The following ZNF609 variants were observed in gnomAD, a reference collection of about 807,000 sequenced individuals.
ZNF609 encodes zinc finger protein 609.
A neutral mutation model predicts 109.5 loss-of-function variants in ZNF609; 11 were observed. The observed-to-expected ratio is 0.10, with a 90% CI of 0.06 to 0.17. The LOEUF is 0.17. Among genes scored for constraint, ZNF609 ranks in the 10% least tolerant of loss-of-function variants. The pLI, the probability that ZNF609 is intolerant of heterozygous loss-of-function variation, is 1.00. For synonymous variants in ZNF609, 646 were observed against 662.0 expected (o/e 0.98, Z 0.37); for missense variants, 1,559 against 1,772.4 (o/e 0.88, Z 2.16).
intron 3 of ZNF609, among the ~76,000 whole-genome samples, chr15:64,627,651 CTTTTTTTCTTTCTTT>C (rs1895987480): frequency 9.6e-6 from 1 of 103,844 alleles, no homozygotes; most frequent in African/African-American, 3.1e-5. Context: ...CTTTTTAGTT[CTTTTTTTCTTTCTTT>C]TTTTTTTTTT....
chr15:64,607,830 TC>T (rs1332716588), intron 2 of ZNF609, among the ~76,000 whole-genome samples: 1 of 18,964 alleles, frequency 5.3e-5, no homozygotes, highest in Non-Finnish European at 1.6e-4. Flanking sequence ...TTTCTTTCTT[TC>T]TTTCTTTCTT....
chr15:64,569,538 G>T (rs1468436198), intron 2 of ZNF609, among the ~76,000 whole-genome samples: 1 of 152,196 alleles, frequency 6.6e-6, no homozygotes, highest in Non-Finnish European at 1.5e-5. Flanking sequence ...CAAAGCCTTT[G>T]TTGTGCTTAG....
At position 64,651,746 on chromosome 15, in the gene ZNF609, A is replaced by G. The variant is rs187403312; in HGVS notation, c.974-18600A>G. On this transcript the variant is annotated intron_variant, in intron 3 of 9. Transcript: ENST00000326648. ...ATAGCAAAGACATGAGGTGACCTAG[A>G]TGTTTGTAAGCCACTCTGGCAGCTA... Among the ~76,000 whole-genome samples, 76 of 152,318 alleles carry G rather than the reference A, an allele frequency of 5.0e-4. No individual in the cohort carries two copies. The East Asian group carries it at 9.7e-3, about 19-fold the overall frequency.
At chr15:64,522,448 G>T (rs895927144) in intron 2 of ZNF609, among the ~76,000 whole-genome samples, 4 of 152,174 alleles carry the variant, frequency 2.6e-5, no homozygotes, top group African/African-American at 9.7e-5. Flanking sequence ...GATCTGAACT[G>T]GTTTGGCCCT....
At chr15:64,601,263 T>C (rs78711099) in intron 2 of ZNF609, among the ~76,000 whole-genome samples, 1 of 152,332 alleles carries the variant, frequency 6.6e-6, no homozygotes, top group African/African-American at 2.4e-5. Context: ...TAAATTGTTA[T>C]TGCATTTACT....
At position 64,499,409 on chromosome 15, in the gene ZNF609, T is replaced by G; in HGVS notation, c.-11T>G. 6.2e-7 allele frequency: 1 copy of G among 1,609,286 alleles called. No individual in the cohort carries two copies. The highest frequency in any genetic ancestry group is 8.5e-7 in the Non-Finnish European group (1 of 1,176,816). ...GAGCCTTGAATCTTGAGGTGGGACG[T>G]TGACTCTAAGATGTCCTTGAGCAGT... On this transcript the variant is annotated 5_prime_UTR_variant, in exon 2 of 10. Coordinates refer to ENST00000326648, the MANE Select transcript of ZNF609 (RefSeq NM_015042.2).
rs143459509 is a variant in ZNF609 at position 64,678,312 on chromosome 15, G to A, written c.3599G>A (p.Arg1200His). ...DCKLPTSEES[R>H]LGSKEPRPSV... ...AAGCTGCCCACGTCAGAGGAGTCTC[G>A]CCTTGGGAGCAAGGAGCCCCGGCCA... Residue 1200 changes from arginine to histidine, a missense_variant, in exon 6 of 10, where the codon CGC becomes CAC. Physicochemically the swap from Arg to His is conservative, Grantham distance 29. Coordinates refer to ENST00000326648, the MANE Select transcript of ZNF609 (RefSeq NM_015042.2). 6.8e-6 allele frequency: 11 copies of A among 1,614,110 alleles called. No homozygotes were observed. The highest frequency in any genetic ancestry group is 4.5e-5 in the East Asian group (2 of 44,882).
At chr15:64,626,034 C>A (rs909795764) in intron 3 of ZNF609, among the ~76,000 whole-genome samples, 1 of 149,280 alleles carries the variant, frequency 6.7e-6, no homozygotes, top group Non-Finnish European at 1.5e-5. Flanking sequence ...TCTAAATCTT[C>A]TCTGCAACTC....
intron 2 of ZNF609, among the ~76,000 whole-genome samples, chr15:64,546,471 CACCAGTGGTG>C (rs1022035250): frequency 4.7e-5 from 7 of 149,594 alleles, no homozygotes; most frequent in African/African-American, 1.2e-4. Flanking sequence ...CTTGTTCTGT[CACCAGTGGTG>C]ACCAGTGGCG....
chr15:64,541,945 C>A (rs895267131), intron 2 of ZNF609, among the ~76,000 whole-genome samples: 38 of 148,114 alleles, frequency 2.6e-4, no homozygotes, highest in Admixed American at 2.1e-3. Context: ...TTTTTCCTTT[C>A]TCTTCCTTCC....
At chr15:64,616,514 C>CTTTTT (rs56145140) in intron 2 of ZNF609, among the ~76,000 whole-genome samples, 32 of 66,912 alleles carry the variant, frequency 4.8e-4, no homozygotes, top group Admixed American at 1.4e-3. Context: ...AAACTGATAT[C>CTTTTT]TTTTTTTTTT....
chr15:64,607,060 C>T (rs1895613835), intron 2 of ZNF609, among the ~76,000 whole-genome samples: 1 of 152,136 alleles, frequency 6.6e-6, no homozygotes, highest in South Asian at 2.1e-4. Context: ...AGGAGAATCG[C>T]TTGAACTCGG....
Position 64,675,763 on chromosome 15 carries a change from A to G in ZNF609, c.2909A>G (p.Gln970Arg). The G allele has an allele frequency of 1.2e-6, 2 of 1,614,260 alleles. No individual in the cohort carries two copies. The highest frequency in any genetic ancestry group is 1.1e-5 in the South Asian group (1 of 91,086). ...VIQQRPNMYMQSLYYNQYAYV... is the reference protein window; with the variant it reads ...VIQQRPNMYMRSLYYNQYAYV... ...CAGCAGCGTCCCAATATGTACATGC[A>G]GTCCCTGTACTACAACCAGTATGCC... Residue 970 changes from glutamine (Q) to arginine (R), a missense_variant, in exon 5 of 10, where the codon CAG (glutamine) becomes CGG (arginine). Physicochemically the swap from Gln to Arg is conservative, Grantham distance 43 (BLOSUM62 1). Around this residue, in one of 4 missense-constraint regions of ZNF609, gnomAD observed 1,204 missense variants for 1,314.1 expected, o/e 0.92. Coordinates refer to ENST00000326648, the MANE Select transcript of ZNF609 (RefSeq NM_015042.2).
intron 1 of ZNF609, among the ~76,000 whole-genome samples, chr15:64,494,406 G>A (rs1448092807): frequency 6.6e-6 from 1 of 152,046 alleles, no homozygotes; most frequent in Admixed American, 6.6e-5. Context: ...TTGGGAATCA[G>A]GATATTAAAT....
chr15:64,659,242 C>T (rs1253546287), intron 3 of ZNF609, among the ~76,000 whole-genome samples: 1 of 152,178 alleles, frequency 6.6e-6, no homozygotes, highest in Non-Finnish European at 1.5e-5. Flanking sequence ...ACATTTACCA[C>T]ACACACTCAC....
intron 2 of ZNF609, among the ~76,000 whole-genome samples, chr15:64,588,679 C>T (rs1322572371): frequency 1.4e-5 from 2 of 142,262 alleles, no homozygotes; most frequent in African/African-American, 5.2e-5. Flanking sequence ...GATGGAGTTT[C>T]GCCCTTGTTG....
At chr15:64,603,997 C>CAAA (rs34675102) in intron 2 of ZNF609, among the ~76,000 whole-genome samples, 4 of 65,192 alleles carry the variant, frequency 6.1e-5, no homozygotes, top group African/African-American at 1.7e-4. Context: ...GACTCCGTCT[C>CAAA]AAAAAAAAAA....
chr15:64,600,896 T>C (rs1325085675), intron 2 of ZNF609, among the ~76,000 whole-genome samples: 1 of 152,138 alleles, frequency 6.6e-6, no homozygotes, highest in African/African-American at 2.4e-5. Flanking sequence ...CGAAATTTAG[T>C]TTATCAAGGC....
chr15:64,683,931 G>C lies in ZNF609; in HGVS notation c.*2245G>C. ...ACACAGAGGACGAACTTCTGTATTAGCTGGGCAGCCTTGGGTTCTCCAGAA... is the reference window on the plus strand; with the variant it reads ...ACACAGAGGACGAACTTCTGTATTACCTGGGCAGCCTTGGGTTCTCCAGAA... On this transcript the variant is annotated 3_prime_UTR_variant, in exon 10 of 10. Coordinates refer to ENST00000326648, the MANE Select transcript of ZNF609 (RefSeq NM_015042.2). 6.6e-6 allele frequency: 1 copy of C among 152,182 alleles called. No homozygotes were observed. The highest frequency in any genetic ancestry group is 1.9e-4 in the East Asian group (1 of 5,194). 9.4% of individuals were successfully genotyped at this position (152,182 alleles called of 1,614,324 possible). A position where few individuals can be genotyped will look rare whatever the true frequency, so the allele number is the denominator to read the frequency against.
Sources: gnomAD v4.1 joint callset for allele counts (sites outside exome capture counted in the v4.1 genomes callset) on GRCh38, gnomAD v4.1.1 for gene constraint, gnomAD v4.1.1 regional missense constraint, MANE v1.5 for transcripts, NCBI Gene and HGNC (gene_info 2026-07-23, HGNC 2026-07-21) for gene names.